KDF1: variants seen among roughly 807,000 people sequenced by gnomAD.
KDF1 encodes RP11-344H11.3.
KDF1 carries 11 observed loss-of-function variants against 31.6 expected under a neutral mutation model. The observed-to-expected ratio is 0.35, with a 90% confidence interval of 0.22 to 0.58. KDF1 has a LOEUF of 0.58. Among genes scored for constraint, KDF1 ranks in the 20% least tolerant of loss-of-function variants. KDF1 has a pLI of 0.83. For missense variants in KDF1, 476 were observed against 549.1 expected, an observed-to-expected ratio of 0.87 and a Z score of 1.33; for synonymous variants, 205 against 214.4, an observed-to-expected ratio of 0.96 and a Z score of 0.38.
chr1:26,951,925 C>G lies in KDF1; in HGVS notation c.456G>C (p.Lys152Asn). Residue 152 changes from lysine (K) to asparagine (N), a missense_variant, in exon 2 of 4, where the codon AAG (lysine) becomes AAC (asparagine). Lys to Asn is a moderately conservative substitution (Grantham distance 94). Around this residue, in one of 2 missense-constraint regions of KDF1, gnomAD observed 330 missense variants for 332.3 expected, o/e 0.99. Transcript: ENST00000320567. The surrounding 1 kb of genome is among the most constrained non-coding windows in gnomAD (Gnocchi z 5.4). ...AGCTGAAGCTGCTGCCCATGGTTGA[C>G]TTGAGCCGCTGGCCATCCCGCCGGC... ...PPSRRDGQRL[K>N]STMGSSFSYP... 1.2e-6 allele frequency: 2 copies of G among 1,605,058 alleles called. No individual in the cohort carries two copies. The highest frequency in any genetic ancestry group is 1.7e-6 in the Non-Finnish European group (2 of 1,174,000).
At position 26,949,981 on chromosome 1, in the gene KDF1, C is replaced by T. The variant is rs2082339274; in HGVS notation, c.*88G>A. Reference sequence around the variant, plus strand: ...GAGTGGGCACTGCTTCAGGTCTAAGCCTCTCCCACAGGGGTTCCTGGTCCC... The same window carrying T: ...GAGTGGGCACTGCTTCAGGTCTAAGTCTCTCCCACAGGGGTTCCTGGTCCC... On this transcript the variant is annotated 3_prime_UTR_variant, in exon 4 of 4. Transcript: ENST00000320567. 7.2e-6 allele frequency: 10 copies of T among 1,384,720 alleles called. No individual in the cohort carries two copies. The highest frequency in any genetic ancestry group is 7.1e-5 in the African/African-American group (5 of 70,204). The allele number at this position is 1,384,720 out of a possible 1,614,324, so 85.8% of individuals were successfully genotyped here. A position where few individuals can be genotyped will look rare whatever the true frequency, so the allele number is the denominator to read the frequency against.
intron 1 of KDF1, among the ~76,000 whole-genome samples, chr1:26,958,836 T>A (rs1418245351): frequency 6.6e-6 from 1 of 152,142 alleles, no homozygotes; most frequent in African/African-American, 2.4e-5. Flanking sequence ...GATCTACAGT[T>A]AACCATGCTG....
chr1:26,951,288 C>T lies in KDF1; in HGVS notation c.1039+54G>A, dbSNP rs181637936. ...ACTAAAGACCCCATTCCAACCCTCCCCTGGCCAGAGCCTCCCCTACTCTGC... is the reference window on the plus strand; with the variant it reads ...ACTAAAGACCCCATTCCAACCCTCCTCTGGCCAGAGCCTCCCCTACTCTGC... On this transcript the variant is annotated intron_variant, in intron 2 of 3. Transcript: ENST00000320567. The surrounding 1 kb of genome is among the most constrained non-coding windows in gnomAD (Gnocchi z 5.4). 113 of 1,450,716 alleles carry T rather than the reference C, an allele frequency of 7.8e-5. No individual in the cohort carries two copies. The East Asian group carries it at 2.3e-3, about 30-fold the overall frequency. 89.9% of individuals were successfully genotyped at this position (1,450,716 alleles called of 1,614,324 possible).
chr1:26,952,299 C>G lies in KDF1; in HGVS notation c.82G>C (p.Glu28Gln). The G allele has an allele frequency of 1.3e-6, 2 of 1,544,710 alleles. No homozygotes were observed. The highest frequency in any genetic ancestry group is 4.5e-5 in the East Asian group (2 of 44,254). Residue 28 changes from glutamate (E) to glutamine (Q), a missense_variant, in exon 2 of 4, where the codon GAG (glutamate) becomes CAG (glutamine). Glu to Gln is a conservative substitution (Grantham distance 29). Transcript: ENST00000320567. This position sits in a 1 kb window ranked among gnomAD's most constrained non-coding sequence, Gnocchi z 4.1. ...PWERPTELCL[E>Q]TYDKPPQPPP... ...GGCTGAGGTGGTTTATCATATGTCT[C>G]CAGACATAGCTCTGTTGGCCGCTCC...
intron 1 of KDF1, among the ~76,000 whole-genome samples, chr1:26,955,015 GC>G (rs1025884298): frequency 1.4e-4 from 21 of 151,024 alleles, no homozygotes; most frequent in African/African-American, 5.1e-4. Context: ...CCGCTACCAC[GC>G]CCAGCTAATT....
In KDF1 at chr1:26,951,273, C is replaced by A; in HGVS notation, c.1039+69G>T. 4.3e-6 allele frequency: 6 copies of A among 1,403,964 alleles called. No homozygotes were observed. The highest frequency in any genetic ancestry group is 4.7e-6 in the Non-Finnish European group (5 of 1,058,328). The allele number at this position is 1,403,964 out of a possible 1,614,324, so 87.0% of individuals were successfully genotyped here. On this transcript the variant is annotated intron_variant, in intron 2 of 3. Transcript: ENST00000320567. The surrounding 1 kb of genome is among the most constrained non-coding windows in gnomAD (Gnocchi z 5.4). The stretch of plus-strand genomic sequence containing the variant: ...GGTAGACCCACAGTGACTAAAGACC[C>A]CATTCCAACCCTCCCCTGGCCAGAG...
Position 26,950,799 on chromosome 1 carries a change from C to A in KDF1, c.1040-43G>T. The A allele has an allele frequency of 6.4e-7, 1 of 1,556,024 alleles. No homozygotes were observed. The highest frequency in any genetic ancestry group is 8.9e-7 in the Non-Finnish European group (1 of 1,127,350). ...GGCAAGCAGTGGTCATTAGCACGTT[C>A]TTTCAACCCTATTTCCTACTTCTGT... On this transcript the variant is annotated intron_variant, in intron 2 of 3. Transcript: ENST00000320567. The surrounding 1 kb of genome is among the most constrained non-coding windows in gnomAD (Gnocchi z 4.0).
Position 26,952,246 on chromosome 1 carries a change from T to G in KDF1, c.135A>C (p.Pro45=). The part of the protein sequence containing the change: ...QPPPSRRTRR[P]DPKDPGHHGP... ...CATGGTGGCCAGGGTCCTTGGGGTC[T>G]GGTCTACGGGTGCGGCGGCTTGGTG... The change falls in exon 2 of 4, where the codon CCA becomes CCC. Residue 45 remains proline (P), a synonymous_variant. Coordinates refer to ENST00000320567, the MANE Select transcript of KDF1 (RefSeq NM_152365.3). This position sits in a 1 kb window ranked among gnomAD's most constrained non-coding sequence, Gnocchi z 4.1. 1 of 1,602,188 alleles carries G rather than the reference T, an allele frequency of 6.2e-7. No individual in the cohort carries two copies. The highest frequency in any genetic ancestry group is 8.5e-7 in the Non-Finnish European group (1 of 1,172,880).
At chr1:26,958,008 G>A (rs1367576406) in intron 1 of KDF1, among the ~76,000 whole-genome samples, 1 of 151,630 alleles carries the variant, frequency 6.6e-6, no homozygotes, top group Non-Finnish European at 1.5e-5. Context: ...ATAGAGATGG[G>A]GTTTCACCAT....
At position 26,952,059 on chromosome 1, in the gene KDF1, C is replaced by A. The variant is rs752071068; in HGVS notation, c.322G>T (p.Gly108Ter). The change falls in exon 2 of 4, where the codon GGA becomes TGA. Residue 108 changes from glycine (G) to a stop codon, truncating the protein, a stop_gained. Coordinates refer to ENST00000320567, the MANE Select transcript of KDF1 (RefSeq NM_152365.3). LOFTEE classifies it high-confidence loss of function. The surrounding 1 kb of genome is among the most constrained non-coding windows in gnomAD (Gnocchi z 4.1). Reference sequence around the variant, plus strand: ...TCAGTAGACAGGCAGGGGCTGCATCCCCGCACACAGGCTCCACAGCGCTGG... The same window carrying A: ...TCAGTAGACAGGCAGGGGCTGCATCACCGCACACAGGCTCCACAGCGCTGG... ...CLQRCGACVR[G>*]CSPCLSTEDS... 1 of 1,613,436 alleles carries A rather than the reference C, an allele frequency of 6.2e-7. No individual in the cohort carries two copies. Among genetic ancestry groups the A allele is most frequent in the Non-Finnish European group, 8.5e-7 (1 of 1,179,910 alleles).
chr1:26,950,597 C>A lies in KDF1; in HGVS notation c.1114+85G>T. 8.6e-7 allele frequency: 1 copy of A among 1,159,390 alleles called. No individual in the cohort carries two copies. The highest frequency in any genetic ancestry group is 1.3e-5 in the South Asian group (1 of 79,268). 71.8% of individuals were successfully genotyped at this position (1,159,390 alleles called of 1,614,324 possible). ...CTTTTTGATGTCATCCTCATCACCC[C>A]AAAAGAAAGCTGGGAGAGCAGCAGG... On this transcript the variant is annotated intron_variant, in intron 3 of 3. Coordinates refer to ENST00000320567, the MANE Select transcript of KDF1 (RefSeq NM_152365.3). The surrounding 1 kb of genome is among the most constrained non-coding windows in gnomAD (Gnocchi z 4.0).
Position 26,950,889 on chromosome 1 carries a change from C to CA in KDF1, c.1040-134dup. The CA allele has an allele frequency of 1.3e-6, 1 of 772,434 alleles. No individual in the cohort carries two copies. Among genetic ancestry groups the CA allele is most frequent in the Non-Finnish European group, 2.2e-6 (1 of 459,894 alleles). The allele number at this position is 772,434 out of a possible 1,614,324, so 47.8% of individuals were successfully genotyped here. On this transcript the variant is annotated intron_variant, in intron 2 of 3. Coordinates refer to ENST00000320567, the MANE Select transcript of KDF1 (RefSeq NM_152365.3). The surrounding 1 kb of genome is among the most constrained non-coding windows in gnomAD (Gnocchi z 4.0). The stretch of plus-strand genomic sequence containing the variant: ...GGGCTAGAAAAATAATGCTTAAAGA[C>CA]AGAGACATAGACAACGTGTGCATGC...
intron 1 of KDF1, among the ~76,000 whole-genome samples, chr1:26,957,554 C>G (rs2082382418): frequency 6.6e-6 from 1 of 152,068 alleles, no homozygotes; most frequent in Non-Finnish European, 1.5e-5. Context: ...ACCAGCGCCA[C>G]TGGGTACAAA....
chr1:26,952,165 G>T lies in KDF1; in HGVS notation c.216C>A (p.Pro72=), dbSNP rs765977534. 1 of 1,613,612 alleles carries T rather than the reference G, an allele frequency of 6.2e-7. No individual in the cohort carries two copies. The highest frequency in any genetic ancestry group is 1.3e-5 in the African/African-American group (1 of 75,056). ...SGSAEPALES[P]TCCLLWRPWV... is the part of the protein sequence containing the mutation. ...AGGGTCGCCAGAGCAGGCAGCAGGT[G>T]GGGGACTCAAGGGCCGGCTCAGCAG... The change falls in exon 2 of 4, where the codon CCC becomes CCA. Residue 72 remains proline, a synonymous_variant. Coordinates refer to ENST00000320567, the MANE Select transcript of KDF1 (RefSeq NM_152365.3). The surrounding 1 kb of genome is among the most constrained non-coding windows in gnomAD (Gnocchi z 4.1).
chr1:26,956,718 T>C (rs974506440), intron 1 of KDF1, among the ~76,000 whole-genome samples: 1 of 152,236 alleles, frequency 6.6e-6, no homozygotes, highest in African/African-American at 2.4e-5. Flanking sequence ...TTACATTTTC[T>C]GAATTTGATT....
At chr1:26,958,133 T>C (rs1401613234) in intron 1 of KDF1, among the ~76,000 whole-genome samples, 1 of 142,926 alleles carries the variant, frequency 7.0e-6, no homozygotes, top group Admixed American at 7.0e-5. Context: ...CTAAATTCTT[T>C]TTTTTTTTTT....
chr1:26,956,902 A>G lies in KDF1; in HGVS notation c.-33+3448T>C, dbSNP rs554192915. ...GGAATGTTGCCCATGGTAAATGGGG[A>G]TGTGAAGGATACAGTTCTTTTATTT... On this transcript the variant is annotated intron_variant, in intron 1 of 3. Transcript: ENST00000320567. Among the ~76,000 whole-genome samples the G allele has an allele frequency of 2.2e-4, 34 of 152,174 alleles. 1 individual carries two copies. In the South Asian group the frequency reaches 6.6e-3, roughly 30 times the overall value.
At position 26,952,060 on chromosome 1, in the gene KDF1, C is replaced by A. The variant is rs371561424; in HGVS notation, c.321G>T (p.Arg107=). The A allele has an allele frequency of 7.2e-5, 116 of 1,613,316 alleles. No homozygotes were observed. The highest frequency in any genetic ancestry group is 9.6e-5 in the Non-Finnish European group (113 of 1,179,912). The change falls in exon 2 of 4, where the codon CGG becomes CGT. Residue 107 remains arginine, a synonymous_variant. Transcript: ENST00000320567. The surrounding 1 kb of genome is among the most constrained non-coding windows in gnomAD (Gnocchi z 4.1). ...DCLQRCGACV[R]GCSPCLSTED... The stretch of plus-strand genomic sequence containing the variant: ...CAGTAGACAGGCAGGGGCTGCATCC[C>A]CGCACACAGGCTCCACAGCGCTGGA...
At position 26,960,010 on chromosome 1, in the gene KDF1, C is replaced by T. The variant is rs889623754; in HGVS notation, c.-33+340G>A. Among the ~76,000 whole-genome samples the T allele has an allele frequency of 1.3e-5, 2 of 152,182 alleles. No homozygotes were observed. The highest frequency in any genetic ancestry group is 2.9e-5 in the Non-Finnish European group (2 of 68,014). On this transcript the variant is annotated intron_variant, in intron 1 of 3. Transcript: ENST00000320567. This position sits in a 1 kb window ranked among gnomAD's most constrained non-coding sequence, Gnocchi z 4.9. ...ACTACCCTCTCCAGCTGCAAGGGCC[C>T]TACCCCGCGGGCGGACCCAGCCTCC...
Sources: gnomAD v4.1 joint callset for allele counts (sites outside exome capture counted in the v4.1 genomes callset) on GRCh38, gnomAD v4.1.1 for gene constraint, gnomAD v4.1.1 regional missense constraint, Gnocchi (gnomAD v3.1) non-coding constraint, MANE v1.5 for transcripts, NCBI Gene and HGNC (gene_info 2026-07-23, HGNC 2026-07-21) for gene names.